The following SH3TC2 variants were observed in gnomAD, a reference collection of about 807,000 sequenced individuals.
The protein encoded by SH3TC2 is SH3 domain and tetratricopeptide repeat-containing protein 2.
In SH3TC2, 87 loss-of-function variants were observed where a neutral mutation model predicts 124.5. The observed-to-expected ratio is 0.70, with a 90% CI of 0.59 to 0.84. The LOEUF is 0.84. Ranked by LOEUF, SH3TC2 falls within the 40% of genes least tolerant of loss-of-function variation. SH3TC2 has a pLI of 0.00. For synonymous variants in SH3TC2, 634 were observed against 628.5 expected (o/e 1.01, Z -0.13); for missense variants, 1,536 against 1,566.4 (o/e 0.98, Z 0.33).
intron 8 of SH3TC2, among the ~76,000 whole-genome samples, chr5:149,036,915 C>A (rs1040509614): frequency 6.6e-6 from 1 of 152,150 alleles, no homozygotes; most frequent in African/African-American, 2.4e-5. Flanking sequence ...TAAGTGCCAC[C>A]GTGGGCTTCT....
At position 149,042,778 on chromosome 5, in the gene SH3TC2, T is replaced by G; in HGVS notation, c.445A>C (p.Ile149Leu). The change falls in exon 5 of 17, where the codon ATA (isoleucine) becomes CTA (leucine). Residue 149 changes from isoleucine to leucine, a missense_variant. This residue lies in a region of SH3TC2 where 1,102 missense variants were observed against 1,098.6 expected (regional missense o/e 1.00). Coordinates refer to ENST00000515425, the MANE Select transcript of SH3TC2 (RefSeq NM_024577.4). Reference sequence around the variant, plus strand: ...TGGATCTCTGTATCCTCCACCAATATGCAGTTGAGCCAGTACTTGTGGTCA... The same window carrying G: ...TGGATCTCTGTATCCTCCACCAATAGGCAGTTGAGCCAGTACTTGTGGTCA... The part of the protein sequence containing the change: ...LFDHKYWLNC[I>L]LVEDTEIQVS... 1 of 1,614,162 alleles carries G rather than the reference T, an allele frequency of 6.2e-7. No homozygotes were observed. Among genetic ancestry groups the G allele is most frequent in the Non-Finnish European group, 8.5e-7 (1 of 1,180,020 alleles).
At position 148,986,974 on chromosome 5, in the gene SH3TC2, G is replaced by A. The variant is rs1753343157; in HGVS notation, c.*17737C>T. Among the ~76,000 whole-genome samples the A allele has an allele frequency of 6.6e-6, 1 of 152,210 alleles. No homozygotes were observed. The highest frequency in any genetic ancestry group is 2.1e-4 in the South Asian group (1 of 4,822). ...TTTCAAAGACTCCAGTTCAATGCCA[G>A]GGAGCTATTGTTTCTAAAATGATTT... On this transcript the variant is annotated 3_prime_UTR_variant, in exon 17 of 17. Transcript: ENST00000515425.
intron 12 of SH3TC2, among the ~76,000 whole-genome samples, chr5:149,016,916 C>A (rs1753883874): frequency 1.5e-5 from 2 of 134,992 alleles, no homozygotes. Flanking sequence ...CAGGGCGAGA[C>A]TCCGTCTCAA....
rs886397524 is a variant in SH3TC2 at position 149,001,473 on chromosome 5, T to C, written c.*3238A>G. On this transcript the variant is annotated 3_prime_UTR_variant, in exon 17 of 17. Coordinates refer to ENST00000515425, the MANE Select transcript of SH3TC2 (RefSeq NM_024577.4). ...TAGATCATGTTTGGCTATGATACAC[T>C]TATTTTTTTAAATGTTTAAGTAGAG... is the stretch of plus-strand genomic sequence containing the variant. 7 of 152,164 alleles carry C rather than the reference T, an allele frequency of 4.6e-5. No homozygotes were observed. The highest frequency in any genetic ancestry group is 1.0e-4 in the Non-Finnish European group (7 of 68,022). The allele number at this position is 152,164 out of a possible 1,614,324, so 9.4% of individuals were successfully genotyped here.
rs1754371447 is a variant in SH3TC2 at position 149,041,527 on chromosome 5, G to A, written c.620C>T (p.Ser207Leu). Residue 207 changes from serine (S) to leucine (L), a missense_variant, in exon 6 of 17, where the codon TCA becomes TTA. Coordinates refer to ENST00000515425, the MANE Select transcript of SH3TC2 (RefSeq NM_024577.4). ...GGAGCCAGCTTCTGCCATCTTCACTGAGATTAACTCATTCTTGCAAAGTGT... is the reference window on the plus strand; with the variant it reads ...GGAGCCAGCTTCTGCCATCTTCACTAAGATTAACTCATTCTTGCAAAGTGT... The part of the protein sequence containing the change: ...CLTLCKNELI[S>L]VKMAEAGSEL... 6 of 1,614,210 alleles carry A rather than the reference G, an allele frequency of 3.7e-6. No individual in the cohort carries two copies. The highest frequency in any genetic ancestry group is 5.1e-6 in the Non-Finnish European group (6 of 1,180,032).
At chr5:149,036,979 C>T (rs1411430982) in intron 8 of SH3TC2, among the ~76,000 whole-genome samples, 1 of 152,126 alleles carries the variant, frequency 6.6e-6, no homozygotes, top group Non-Finnish European at 1.5e-5. Flanking sequence ...CCCCCAAAGC[C>T]AGGTTTCATT....
rs147025723 is a variant in SH3TC2, at chr5:148,986,702, C to T, written c.*18009G>A. On this transcript the variant is annotated 3_prime_UTR_variant, in exon 17 of 17. Coordinates refer to ENST00000515425, the MANE Select transcript of SH3TC2 (RefSeq NM_024577.4). ...ATTATTAAGCCACTTGTTAGGGTGA[C>T]TTGTAGGCATCATAATAAGCCAAAT... Among the ~76,000 whole-genome samples, 37 of 152,270 alleles carry T rather than the reference C, an allele frequency of 2.4e-4. No homozygotes were observed. The highest frequency in any genetic ancestry group is 8.7e-4 in the African/African-American group (36 of 41,552).
chr5:149,015,569 A>G (rs987537213), intron 12 of SH3TC2, among the ~76,000 whole-genome samples: 12 of 151,952 alleles, frequency 7.9e-5, no homozygotes, highest in African/African-American at 2.4e-4. Flanking sequence ...GTCCTTTCCA[A>G]TCTTGACTCT....
At chr5:149,024,138 T>C (rs1023792547) in intron 12 of SH3TC2, among the ~76,000 whole-genome samples, 1 of 152,166 alleles carries the variant, frequency 6.6e-6, no homozygotes, top group African/African-American at 2.4e-5. Context: ...GCAAACACCT[T>C]TCTTTCCTTA....
rs2069087 is a variant in SH3TC2 at position 148,993,591 on chromosome 5, C to T, written c.*11120G>A. On this transcript the variant is annotated 3_prime_UTR_variant, in exon 17 of 17. Transcript: ENST00000515425. ...TCAAAACACCCTCAGCAATATATCA[C>T]GGAGGTCAAAACGTCTGCCAGACTA... Among the ~76,000 whole-genome samples the T allele has an allele frequency of 0.033, 4,985 of 152,216 alleles. 308 individuals carry two copies. Among genetic ancestry groups the T allele is most frequent in the Admixed American group, 0.17 (2,549 of 15,276 alleles).
At chr5:149,055,597 CTG>C (rs1338794669) in intron 1 of SH3TC2, among the ~76,000 whole-genome samples, 1 of 151,922 alleles carries the variant, frequency 6.6e-6, no homozygotes, top group Non-Finnish European at 1.5e-5. Context: ...TGAAGATAAA[CTG>C]AAGTTCTATC....
chr5:149,031,532 G>A (rs1754192945), intron 9 of SH3TC2, 22 bp downstream of exon 9: 1 of 1,613,928 alleles, frequency 6.2e-7, no homozygotes, highest in South Asian at 1.1e-5. Context: ...GCTTTTGAAG[G>A]TGTCTGAGGA....
chr5:148,984,616 C>A lies in SH3TC2; in HGVS notation c.*20095G>T, dbSNP rs1753303863. 6.6e-6 allele frequency among the ~76,000 whole-genome samples: 1 copy of A among 152,186 alleles called. No homozygotes were observed. The highest frequency in any genetic ancestry group is 2.1e-4 in the South Asian group (1 of 4,830). ...CTGGACTAGGCAATGCTTCATATAT[C>A]TCCAAGGTTGGTCTTTCAGGTTGGC... On this transcript the variant is annotated 3_prime_UTR_variant, in exon 17 of 17. Coordinates refer to ENST00000515425, the MANE Select transcript of SH3TC2 (RefSeq NM_024577.4).
In SH3TC2 at chr5:148,983,999, C is replaced by A. The variant is rs1753294545; in HGVS notation, c.*20712G>T. 6.6e-6 allele frequency among the ~76,000 whole-genome samples: 1 copy of A among 152,140 alleles called. No homozygotes were observed. The highest frequency in any genetic ancestry group is 1.5e-5 in the Non-Finnish European group (1 of 68,030). On this transcript the variant is annotated 3_prime_UTR_variant, in exon 17 of 17. Transcript: ENST00000515425. Reference sequence around the variant, plus strand: ...TACATTTTTTTAAAATTACTTAAGCCAGTTTGAGTTTCACCTTCTGTTTCT... The same window carrying A: ...TACATTTTTTTAAAATTACTTAAGCAAGTTTGAGTTTCACCTTCTGTTTCT...
At chr5:149,007,647 C>T (rs531307945) in intron 15 of SH3TC2, 1 of 181,818 alleles carries the variant, frequency 5.5e-6, no homozygotes, top group South Asian at 1.2e-4. Flanking sequence ...AACACCTGTT[C>T]ACACTTAAAC....
At position 149,000,107 on chromosome 5, in the gene SH3TC2, C is replaced by T. The variant is rs886060172; in HGVS notation, c.*4604G>A. 3.3e-5 allele frequency among the ~76,000 whole-genome samples: 5 copies of T among 152,184 alleles called. No individual in the cohort carries two copies. The highest frequency in any genetic ancestry group is 2.6e-4 in the Admixed American group (4 of 15,288). Reference sequence around the variant, plus strand: ...CCCTGTCTGGGTAAAATCCCTTCCCCGCAGTGCCTGTAACATCCTGTAACT... The same window carrying T: ...CCCTGTCTGGGTAAAATCCCTTCCCTGCAGTGCCTGTAACATCCTGTAACT... On this transcript the variant is annotated 3_prime_UTR_variant, in exon 17 of 17. Transcript: ENST00000515425.
chr5:149,024,315 T>C (rs1366729921), intron 12 of SH3TC2, among the ~76,000 whole-genome samples: 2 of 152,192 alleles, frequency 1.3e-5, no homozygotes, highest in South Asian at 2.1e-4. Context: ...ACATGCACCG[T>C]ATGTCTCCTC....
chr5:149,012,656 AG>A lies in SH3TC2; in HGVS notation c.3131del (p.Ala1044ValfsTer32). On this transcript the variant is annotated frameshift_variant, in exon 13 of 17. Coordinates refer to ENST00000515425, the MANE Select transcript of SH3TC2 (RefSeq NM_024577.4). LOFTEE classifies it high-confidence loss of function. ...GTCGCCCCGCCCCAAGCCAGGCCTC[AG>A]CAGCCTTGTCTGTCTCCCCCAGGTC... ...FIDLGETDKA[A>X]EAWLGAGRLH... The A allele has an allele frequency of 6.2e-7, 1 of 1,614,176 alleles. No homozygotes were observed. The highest frequency in any genetic ancestry group is 8.5e-7 in the Non-Finnish European group (1 of 1,180,020).
chr5:148,986,759 G>A lies in SH3TC2; in HGVS notation c.*17952C>T, dbSNP rs1289711120. Among the ~76,000 whole-genome samples the A allele has an allele frequency of 6.6e-6, 1 of 152,144 alleles. No homozygotes were observed. Among genetic ancestry groups the A allele is most frequent in the Non-Finnish European group, 1.5e-5 (1 of 68,036 alleles). On this transcript the variant is annotated 3_prime_UTR_variant, in exon 17 of 17. Coordinates refer to ENST00000515425, the MANE Select transcript of SH3TC2 (RefSeq NM_024577.4). The stretch of plus-strand genomic sequence containing the variant: ...ATAAGAATTGCTCAGTCAACCAAAT[G>A]TGACGAGCCTAAATCCCATTCCCAT...
Sources: gnomAD v4.1 joint callset for allele counts (sites outside exome capture counted in the v4.1 genomes callset) on GRCh38, gnomAD v4.1.1 for gene constraint, gnomAD v4.1.1 regional missense constraint, MANE v1.5 for transcripts, NCBI Gene and HGNC (gene_info 2026-07-23, HGNC 2026-07-21) for gene names.